The following HS3ST4 variants were observed in gnomAD, a reference collection of about 807,000 sequenced individuals.
The protein encoded by HS3ST4 is heparan sulfate-glucosamine 3-sulfotransferase 4, also known as heparan sulfate glucosamine 3-O-sulfotransferase 4.
Under a neutral mutation model 29.2 loss-of-function variants are expected in HS3ST4, and 17 were observed. The ratio of observed to expected loss-of-function variants is 0.58; its 90% confidence interval spans 0.40 to 0.87. The LOEUF is 0.87. Ranked by LOEUF, HS3ST4 falls within the 40% of genes least tolerant of loss-of-function variation. HS3ST4 has a pLI of 0.00. For synonymous variants in HS3ST4, 314 were observed against 285.7 expected (o/e 1.10, Z -1.00); for missense variants, 627 against 634.5 (o/e 0.99, Z 0.13).
intron 1 of HS3ST4, among the ~76,000 whole-genome samples, chr16:25,696,254 A>C (rs1215569376): frequency 7.9e-5 from 12 of 152,196 alleles, no homozygotes; most frequent in Non-Finnish European, 1.5e-5. Flanking sequence ...AAAAAAGGCA[A>C]AGCCACAGTG....
intron 1 of HS3ST4, among the ~76,000 whole-genome samples, chr16:26,108,008 G>A (rs1003495938): frequency 3.3e-5 from 5 of 152,048 alleles, no homozygotes; most frequent in African/African-American, 9.7e-5. Context: ...GGAAAATAGA[G>A]GTTTTCTATT....
chr16:25,890,921 T>C (rs1286923471), intron 1 of HS3ST4, among the ~76,000 whole-genome samples: 6 of 151,776 alleles, frequency 4.0e-5, no homozygotes, highest in South Asian at 2.1e-4. Context: ...TGAGCCATGA[T>C]TGGGTCATTT....
chr16:25,894,873 C>G (rs893926287), intron 1 of HS3ST4, among the ~76,000 whole-genome samples: 2 of 152,256 alleles, frequency 1.3e-5, no homozygotes, highest in African/African-American at 4.8e-5. Context: ...ATATTTACCT[C>G]CACTATGGAA....
At chr16:26,005,392 G>A (rs765539219) in intron 1 of HS3ST4, among the ~76,000 whole-genome samples, 2 of 152,142 alleles carry the variant, frequency 1.3e-5, no homozygotes, top group African/African-American at 2.4e-5. Context: ...ACTAAGTGAC[G>A]GGAGATAAGC....
intron 1 of HS3ST4, among the ~76,000 whole-genome samples, chr16:26,003,693 G>A (rs1283585585): frequency 6.6e-6 from 1 of 152,134 alleles, no homozygotes; most frequent in African/African-American, 2.4e-5. Flanking sequence ...TGGATAAACT[G>A]GAGTGATCAT....
chr16:25,799,301 G>T (rs529306244), intron 1 of HS3ST4, among the ~76,000 whole-genome samples: 12 of 152,188 alleles, frequency 7.9e-5, no homozygotes, highest in Admixed American at 4.6e-4. Context: ...TTTCTCTGCT[G>T]GTTGGATTTT....
chr16:26,113,333 C>G (rs1319124243), intron 1 of HS3ST4, among the ~76,000 whole-genome samples: 2 of 151,684 alleles, frequency 1.3e-5, no homozygotes, highest in Non-Finnish European at 2.9e-5. Flanking sequence ...GTAATCCCAG[C>G]TACTTGGGAG....
chr16:25,755,328 C>A (rs141888483), intron 1 of HS3ST4, among the ~76,000 whole-genome samples: 2 of 152,210 alleles, frequency 1.3e-5, no homozygotes, highest in Non-Finnish European at 2.9e-5. Flanking sequence ...ACTAAAGGAG[C>A]CTGAGAGAGG....
intron 1 of HS3ST4, among the ~76,000 whole-genome samples, chr16:26,020,149 G>C (rs1164024114): frequency 1.3e-5 from 2 of 152,208 alleles, no homozygotes; most frequent in African/African-American, 4.8e-5. Flanking sequence ...CTGGAAAAAG[G>C]TGTCAAAAGC....
Position 25,860,328 on chromosome 16 carries a change from C to A in HS3ST4, c.734+167177C>A, listed in dbSNP as rs116418331. On this transcript the variant is annotated intron_variant, in intron 1 of 1. Transcript: ENST00000331351. ...TCTTATAAAACTAAATATACTCTTACCATATGATGCAGCCATCATGCTCCT... is the reference window on the plus strand; with the variant it reads ...TCTTATAAAACTAAATATACTCTTAACATATGATGCAGCCATCATGCTCCT... Among the ~76,000 whole-genome samples the A allele has an allele frequency of 4.6e-3, 706 of 152,294 alleles. 5 individuals carry two copies. The highest frequency in any genetic ancestry group is 0.016 in the African/African-American group (674 of 41,548).
intron 1 of HS3ST4, among the ~76,000 whole-genome samples, chr16:25,863,193 C>G (rs13331608): frequency 0.074 from 11,242 of 152,142 alleles, 477 homozygotes; most frequent in African/African-American, 0.12. Flanking sequence ...AAGCAATTTT[C>G]CTGCCTCAGC....
intron 1 of HS3ST4, among the ~76,000 whole-genome samples, chr16:25,787,119 G>A (rs1050185629): frequency 1.3e-5 from 2 of 152,214 alleles, no homozygotes; most frequent in African/African-American, 2.4e-5. Flanking sequence ...TCTAGAGATT[G>A]CTTAGGTAAA....
intron 1 of HS3ST4, among the ~76,000 whole-genome samples, chr16:25,716,532 A>G (rs1249748981): frequency 1.3e-5 from 2 of 152,216 alleles, no homozygotes; most frequent in African/African-American, 4.8e-5. Context: ...TGCTGAGGCA[A>G]CCAGATAAAA....
intron 1 of HS3ST4, among the ~76,000 whole-genome samples, chr16:25,755,490 C>T (rs1308415571): frequency 6.6e-6 from 1 of 152,098 alleles, no homozygotes; most frequent in Non-Finnish European, 1.5e-5. Flanking sequence ...GAATGGCTGA[C>T]ACAGGGTAGT....
intron 1 of HS3ST4, among the ~76,000 whole-genome samples, chr16:25,981,354 TAGGTAGTTC>T (rs1969003039): frequency 6.7e-6 from 1 of 148,624 alleles, no homozygotes; most frequent in Non-Finnish European, 1.5e-5. Flanking sequence ...AAAAAGAAGG[TAGGTAGTTC>T]AGGGATTTGG....
At chr16:25,789,809 A>G (rs1001381956) in intron 1 of HS3ST4, among the ~76,000 whole-genome samples, 1 of 152,132 alleles carries the variant, frequency 6.6e-6, no homozygotes, top group Admixed American at 6.5e-5. Flanking sequence ...GCCTATTCGA[A>G]CTTCATATAT....
intron 1 of HS3ST4, among the ~76,000 whole-genome samples, chr16:25,704,388 A>G (rs968889879): frequency 6.6e-6 from 1 of 152,136 alleles, no homozygotes; most frequent in African/African-American, 2.4e-5. Flanking sequence ...TCTTACAGAT[A>G]GAGAGATTGA....
At chr16:25,818,475 T>G (rs1310180558) in intron 1 of HS3ST4, among the ~76,000 whole-genome samples, 5 of 152,202 alleles carry the variant, frequency 3.3e-5, no homozygotes, top group African/African-American at 1.2e-4. Flanking sequence ...CTACTCAGTT[T>G]CTGGTATTTT....
intron 1 of HS3ST4, among the ~76,000 whole-genome samples, chr16:26,084,584 T>C (rs553495334): frequency 3.3e-5 from 5 of 152,316 alleles, no homozygotes; most frequent in Admixed American, 2.0e-4. Context: ...CTGAGATCCT[T>C]ATTGTGCCAA....
Sources: allele counts gnomAD v4.1 joint callset (sites outside exome capture counted in the v4.1 genomes callset), GRCh38; gene constraint gnomAD v4.1.1; transcripts MANE v1.5; gene names NCBI Gene and HGNC (gene_info 2026-07-23, HGNC 2026-07-21).